The following GPC5 variants were observed in gnomAD, a reference collection of about 807,000 sequenced individuals.
The protein encoded by GPC5 is glypican 5.
Under a neutral mutation model 53.9 loss-of-function variants are expected in GPC5, and 47 were observed. The observed-to-expected ratio is 0.87, with a 90% CI of 0.69 to 1.11. The LOEUF (loss-of-function observed/expected upper bound fraction) is 1.11. GPC5 is among the 50% of genes most tolerant of loss of function. GPC5 has a pLI of 0.00. For synonymous variants in GPC5, 286 were observed against 263.3 expected, an observed-to-expected ratio of 1.09 and a Z score of -0.84; for missense variants, 748 against 713.1, an observed-to-expected ratio of 1.05 and a Z score of -0.56.
intron 7 of GPC5, among the ~76,000 whole-genome samples, chr13:92,372,813 T>G (rs547924520): frequency 6.6e-6 from 1 of 152,212 alleles, no homozygotes; most frequent in Admixed American, 6.5e-5. Context: ...ATCACTTCAG[T>G]CATTGTTAAG....
chr13:91,578,170 G>A (rs1418174796), intron 2 of GPC5, among the ~76,000 whole-genome samples: 2 of 152,158 alleles, frequency 1.3e-5, no homozygotes, highest in Admixed American at 1.3e-4. Flanking sequence ...CAACAGCCAT[G>A]CAAGTGAGCC....
rs117120331 is a variant in GPC5 at position 91,720,177 on chromosome 13, T to C, written c.1021-8355T>C. 2.6e-3 allele frequency among the ~76,000 whole-genome samples: 397 copies of C among 152,290 alleles called. 2 individuals carry two copies. Among genetic ancestry groups the C allele is most frequent in the Non-Finnish European group, 4.9e-3 (332 of 68,020 alleles). ...TTCTCTAGGCTTTGTCCCATAAATC[T>C]GCCTTCCTTCTCCAAAATTCCGTGA... is the stretch of plus-strand genomic sequence containing the variant. On this transcript the variant is annotated intron_variant, in intron 3 of 7. Transcript: ENST00000377067.
chr13:91,869,622 A>G (rs1392656664), intron 5 of GPC5, among the ~76,000 whole-genome samples: 1 of 152,156 alleles, frequency 6.6e-6, no homozygotes, highest in Non-Finnish European at 1.5e-5. Flanking sequence ...AAACAATGAA[A>G]TCCAAGTGCT....
intron 7 of GPC5, among the ~76,000 whole-genome samples, chr13:92,339,336 A>C (rs2043347477): frequency 6.6e-6 from 1 of 151,994 alleles, no homozygotes; most frequent in Non-Finnish European, 1.5e-5. Flanking sequence ...ATTGTTTTCC[A>C]GTTATGAATA....
chr13:92,732,858 A>G (rs1263679331), intron 7 of GPC5, among the ~76,000 whole-genome samples: 2 of 151,644 alleles, frequency 1.3e-5, no homozygotes, highest in Non-Finnish European at 3.0e-5. Context: ...CCTCACTTAA[A>G]TAATTCCTGA....
chr13:92,127,264 C>CAT (rs1472118857), intron 6 of GPC5, among the ~76,000 whole-genome samples: 4 of 149,936 alleles, frequency 2.7e-5, no homozygotes, highest in South Asian at 2.1e-4. Context: ...CATAGTGCCT[C>CAT]ATATATATAT....
At chr13:92,215,955 G>A (rs925461763) in intron 7 of GPC5, among the ~76,000 whole-genome samples, 4 of 152,124 alleles carry the variant, frequency 2.6e-5, no homozygotes, top group Admixed American at 2.6e-4. Flanking sequence ...GACAGTGCAT[G>A]GTGAGAGGGT....
chr13:91,811,597 C>T (rs2038313085), intron 5 of GPC5, among the ~76,000 whole-genome samples: 1 of 152,024 alleles, frequency 6.6e-6, no homozygotes, highest in Admixed American at 6.6e-5. Context: ...TTTATAACCA[C>T]TCCTATCCTA....
At chr13:92,165,677 G>T (rs1400478327) in intron 7 of GPC5, among the ~76,000 whole-genome samples, 1 of 152,140 alleles carries the variant, frequency 6.6e-6, no homozygotes, top group African/African-American at 2.4e-5. Flanking sequence ...TTACAATTTG[G>T]ATTACAATTC....
At chr13:92,343,281 G>T (rs1594115279) in intron 7 of GPC5, among the ~76,000 whole-genome samples, 1 of 152,164 alleles carries the variant, frequency 6.6e-6, no homozygotes, top group Non-Finnish European at 1.5e-5. Context: ...GAGGCCAGCA[G>T]GGCAGGAAAT....
At chr13:91,824,131 A>T (rs144492131) in intron 5 of GPC5, among the ~76,000 whole-genome samples, 1 of 152,062 alleles carries the variant, frequency 6.6e-6, no homozygotes, top group African/African-American at 2.4e-5. Context: ...GTATAAATCT[A>T]TTTCATTTCT....
intron 7 of GPC5, among the ~76,000 whole-genome samples, chr13:92,813,071 G>A (rs1422196632): frequency 1.3e-5 from 2 of 151,824 alleles, no homozygotes; most frequent in African/African-American, 2.4e-5. Flanking sequence ...GCCTTTCGAA[G>A]CTTATTTACA....
intron 6 of GPC5, among the ~76,000 whole-genome samples, chr13:91,965,716 G>A (rs1056771077): frequency 1.3e-5 from 2 of 152,154 alleles, no homozygotes; most frequent in African/African-American, 2.4e-5. Context: ...TTAAACAGCT[G>A]AGCATGTCAA....
intron 2 of GPC5, among the ~76,000 whole-genome samples, chr13:91,612,640 A>G (rs2033587983): frequency 6.6e-6 from 1 of 152,206 alleles, no homozygotes; most frequent in African/African-American, 2.4e-5. Flanking sequence ...GATATTAGAG[A>G]GTTATGAACA....
intron 2 of GPC5, among the ~76,000 whole-genome samples, chr13:91,452,848 GTGT>G (rs1467218776): frequency 1.3e-5 from 2 of 151,852 alleles, no homozygotes; most frequent in Non-Finnish European, 2.9e-5. Flanking sequence ...TTGGAAGCTT[GTGT>G]TTTGTGTTAA....
chr13:91,452,507 A>G (rs1323042683), intron 2 of GPC5, among the ~76,000 whole-genome samples: 1 of 152,178 alleles, frequency 6.6e-6, no homozygotes, highest in African/African-American at 2.4e-5. Context: ...AATGTTCATG[A>G]ATAAAGCAGA....
intron 7 of GPC5, among the ~76,000 whole-genome samples, chr13:92,268,010 C>T (rs1175422853): frequency 2.6e-5 from 4 of 151,968 alleles, no homozygotes; most frequent in Non-Finnish European, 5.9e-5. Flanking sequence ...CATCTTTGTG[C>T]TTATAACTTT....
chr13:91,973,506 G>C (rs2139095511), intron 6 of GPC5, among the ~76,000 whole-genome samples: 1 of 152,304 alleles, frequency 6.6e-6, no homozygotes, highest in African/African-American at 2.4e-5. Flanking sequence ...TCCGTTGCTG[G>C]TGAGGAGCTG....
chr13:92,670,653 G>C (rs954117309), intron 7 of GPC5, among the ~76,000 whole-genome samples: 1 of 152,118 alleles, frequency 6.6e-6, no homozygotes, highest in African/African-American at 2.4e-5. Context: ...AGAGTAGATA[G>C]GGTCTAGTTA....
Sources: allele counts gnomAD v4.1 joint callset (sites outside exome capture counted in the v4.1 genomes callset), GRCh38; gene constraint gnomAD v4.1.1; transcripts MANE v1.5; gene names NCBI Gene and HGNC (gene_info 2026-07-23, HGNC 2026-07-21).